The following TRABD2B variants were observed in gnomAD, a reference collection of about 807,000 sequenced individuals.
TRABD2B encodes metalloprotease TIKI2.
TRABD2B carries 14 observed loss-of-function variants against 40.1 expected under a neutral mutation model. The ratio of observed to expected loss-of-function variants is 0.35; its 90% CI spans 0.23 to 0.55. TRABD2B has a LOEUF of 0.55. Ranked by LOEUF, TRABD2B falls within the 20% of genes least tolerant of loss-of-function variation. TRABD2B has a pLI of 0.90. For synonymous variants in TRABD2B, 263 were observed against 277.0 expected (o/e 0.95, Z 0.50); for missense variants, 541 against 648.6 (o/e 0.83, Z 1.80).
chr1:47,847,392 G>A (rs1345552980), intron 2 of TRABD2B, among the ~76,000 whole-genome samples: 1 of 152,176 alleles, frequency 6.6e-6, no homozygotes, highest in Non-Finnish European at 1.5e-5. Flanking sequence ...GATTATCTTC[G>A]TGTCTCCAAT....
At position 47,761,902 on chromosome 1, in the gene TRABD2B, TCTACA is replaced by T. The variant is rs1377405429; in HGVS notation, c.*3995_*3999del. The T allele has an allele frequency of 6.6e-5, 10 of 152,348 alleles. No homozygotes were observed. In the East Asian group the frequency reaches 1.2e-3, roughly 18 times the overall value. The allele number at this position is 152,348 out of a possible 1,614,324, so 9.4% of individuals were successfully genotyped here. A position where few individuals can be genotyped will look rare whatever the true frequency, so the allele number is the denominator to read the frequency against. ...CAGCTTCCTTCCCTTCCTTTCTCTC[TCTACA>T]CATCTGTTGAGCACCACCTTTGTGT... On this transcript the variant is annotated 3_prime_UTR_variant, in exon 7 of 7. Coordinates refer to ENST00000606738, the MANE Select transcript of TRABD2B (RefSeq NM_001194986.2).
chr1:47,805,247 G>A (rs926488726), intron 2 of TRABD2B, among the ~76,000 whole-genome samples: 1 of 150,108 alleles, frequency 6.7e-6, no homozygotes, highest in Non-Finnish European at 1.5e-5. Context: ...CACACACACT[G>A]CCACACCCAT....
intron 2 of TRABD2B, among the ~76,000 whole-genome samples, chr1:47,869,858 G>A (rs1644115982): frequency 6.6e-6 from 1 of 152,168 alleles, no homozygotes; most frequent in Non-Finnish European, 1.5e-5. Context: ...GGCAGCTGGG[G>A]CTGGGTCCCA....
intron 2 of TRABD2B, among the ~76,000 whole-genome samples, chr1:47,871,723 G>T (rs1644143639): frequency 6.6e-6 from 1 of 152,148 alleles, no homozygotes; most frequent in Non-Finnish European, 1.5e-5. Flanking sequence ...CTGGTTAGAG[G>T]CAGAGCCTGC....
intron 2 of TRABD2B, among the ~76,000 whole-genome samples, chr1:47,939,666 ATAC>A (rs1645160146): frequency 6.6e-6 from 1 of 152,192 alleles, no homozygotes; most frequent in South Asian, 2.1e-4. Flanking sequence ...TCTAACTCTG[ATAC>A]TAACCACAAG....
chr1:47,863,628 A>G (rs2124563682), intron 2 of TRABD2B, among the ~76,000 whole-genome samples: 1 of 152,194 alleles, frequency 6.6e-6, no homozygotes, highest in East Asian at 1.9e-4. Flanking sequence ...ATGTGGTGCA[A>G]CAGGAACTCT....
intron 2 of TRABD2B, among the ~76,000 whole-genome samples, chr1:47,923,969 C>CT (rs1644938486): frequency 9.3e-6 from 1 of 107,588 alleles, no homozygotes; most frequent in South Asian, 3.1e-4. Context: ...CACACACACA[C>CT]ATCCTATTAG....
intron 2 of TRABD2B, among the ~76,000 whole-genome samples, chr1:47,910,946 G>T (rs1434477285): frequency 6.6e-6 from 1 of 152,106 alleles, no homozygotes; most frequent in African/African-American, 2.4e-5. Flanking sequence ...TCTAATTCTG[G>T]GCTCTGCCTT....
At chr1:47,907,501 C>T (rs1472481390) in intron 2 of TRABD2B, among the ~76,000 whole-genome samples, 1 of 152,186 alleles carries the variant, frequency 6.6e-6, no homozygotes, top group East Asian at 1.9e-4. Context: ...GATGAGGAAA[C>T]TGAGGCTCCA....
intron 2 of TRABD2B, among the ~76,000 whole-genome samples, chr1:47,936,155 C>T (rs1557666595): frequency 6.6e-6 from 1 of 152,176 alleles, no homozygotes; most frequent in Non-Finnish European, 1.5e-5. Flanking sequence ...TAGCAACAGA[C>T]TCAGCTGAAT....
chr1:47,877,353 G>C (rs1383372665), intron 2 of TRABD2B, among the ~76,000 whole-genome samples: 1 of 152,070 alleles, frequency 6.6e-6, no homozygotes, highest in Non-Finnish European at 1.5e-5. Context: ...CCAAGCAGGG[G>C]ATGGTGATCT....
In TRABD2B at chr1:47,765,742, A is replaced by G; in HGVS notation, c.*160T>C. ...TTAAGATCCTTCTACAAAAAAGAAG[A>G]TGTAACTTGGGTACAGTAAAGCTCT... On this transcript the variant is annotated 3_prime_UTR_variant, in exon 7 of 7. Coordinates refer to ENST00000606738, the MANE Select transcript of TRABD2B (RefSeq NM_001194986.2). 1.6e-6 allele frequency: 1 copy of G among 641,966 alleles called. No individual in the cohort carries two copies. The highest frequency in any genetic ancestry group is 2.7e-5 in the East Asian group (1 of 36,604). The allele number at this position is 641,966 out of a possible 1,614,324, so 39.8% of individuals were successfully genotyped here. A position where few individuals can be genotyped will look rare whatever the true frequency, so the allele number is the denominator to read the frequency against.
intron 2 of TRABD2B, among the ~76,000 whole-genome samples, chr1:47,837,813 C>T (rs1020123463): frequency 6.6e-6 from 1 of 152,160 alleles, no homozygotes; most frequent in Non-Finnish European, 1.5e-5. Context: ...TTTTCCAGGC[C>T]CCTTCCATGG....
intron 2 of TRABD2B, among the ~76,000 whole-genome samples, chr1:47,885,425 C>T (rs1251828082): frequency 6.6e-6 from 1 of 152,180 alleles, no homozygotes; most frequent in East Asian, 1.9e-4. Context: ...AGACAAAGGG[C>T]TGTGTCTGCT....
rs1644967913 is a variant in TRABD2B, at chr1:47,926,284, TAAGACTGGGGAAGTA to T, written c.666+67735_666+67749del. ...AGGAAAAGGCACCGAGGCCCAAGGA[TAAGACTGGGGAAGTA>T]AAATCTCATACATACAGCAGCACGG... is the stretch of plus-strand genomic sequence containing the variant. On this transcript the variant is annotated intron_variant, in intron 2 of 6. Coordinates refer to ENST00000606738, the MANE Select transcript of TRABD2B (RefSeq NM_001194986.2). 2.6e-5 allele frequency among the ~76,000 whole-genome samples: 4 copies of T among 152,212 alleles called. 1 individual carries two copies.
At chr1:47,948,359 C>A (rs1447904232) in intron 2 of TRABD2B, among the ~76,000 whole-genome samples, 1 of 152,162 alleles carries the variant, frequency 6.6e-6, no homozygotes, top group Admixed American at 6.5e-5. Flanking sequence ...ATTAAACTTC[C>A]CAATCAGGCC....
intron 2 of TRABD2B, among the ~76,000 whole-genome samples, chr1:47,816,773 T>C (rs530581619): frequency 1.3e-5 from 2 of 152,312 alleles, no homozygotes; most frequent in South Asian, 4.1e-4. Context: ...ACAGGGAGTA[T>C]GTGAAGTTTG....
At chr1:47,970,534 G>C (rs560241970) in intron 2 of TRABD2B, among the ~76,000 whole-genome samples, 2 of 152,066 alleles carry the variant, frequency 1.3e-5, no homozygotes, top group Non-Finnish European at 2.9e-5. Context: ...CATAATTTAC[G>C]GTCCTGCCCT....
In TRABD2B at chr1:47,932,967, A is replaced by G. The variant is rs148954540; in HGVS notation, c.666+61067T>C. On this transcript the variant is annotated intron_variant, in intron 2 of 6. Transcript: ENST00000606738. ...CATGTGATCTGCTTTGTCATGCAGC[A>G]AACCTCTTTGAGTCTGAGCTTTGTA... Among the ~76,000 whole-genome samples, 1,260 of 152,318 alleles carry G rather than the reference A, an allele frequency of 8.3e-3. 13 individuals carry two copies. Among genetic ancestry groups the G allele is most frequent in the Middle Eastern group, 0.034 (10 of 294 alleles).
Sources: allele counts gnomAD v4.1 joint callset (sites outside exome capture counted in the v4.1 genomes callset), GRCh38; gene constraint gnomAD v4.1.1; transcripts MANE v1.5; gene names NCBI Gene and HGNC (gene_info 2026-07-23, HGNC 2026-07-21).